ABCA12: variants seen among roughly 807,000 people sequenced by gnomAD.
The protein encoded by ABCA12 is glucosylceramide transporter ABCA12.
In ABCA12, 156 loss-of-function variants were observed where a neutral mutation model predicts 293.5. That is an observed-to-expected ratio of 0.53 (90% CI 0.47 to 0.61). ABCA12 has a LOEUF of 0.61. Among genes scored for constraint, ABCA12 ranks in the 20% least tolerant of loss-of-function variants. The pLI, the probability that ABCA12 is intolerant of heterozygous loss-of-function variation, is 0.00. For synonymous variants in ABCA12, 1,063 were observed against 1,108.0 expected, an observed-to-expected ratio of 0.96 and a Z score of 0.81; for missense variants, 2,797 against 3,090.2, an observed-to-expected ratio of 0.91 and a Z score of 2.25.
chr2:215,034,448 T>C (rs928469603), intron 8 of ABCA12, among the ~76,000 whole-genome samples: 1 of 152,128 alleles, frequency 6.6e-6, no homozygotes. Context: ...GGAAAAAATG[T>C]AGCATATGGC....
intron 23 of ABCA12, among the ~76,000 whole-genome samples, chr2:214,992,462 G>GAAAAAAAAAAAAA (rs35911401): frequency 2.6e-5 from 2 of 77,358 alleles, no homozygotes; most frequent in Admixed American, 2.4e-4. Context: ...AAAAAAAAAT[G>GAAAAAAAAAAAAA]AAAAAAAAAA....
intron 17 of ABCA12, among the ~76,000 whole-genome samples, chr2:215,010,891 T>G (rs1489625368): frequency 3.9e-5 from 6 of 152,190 alleles, no homozygotes; most frequent in Non-Finnish European, 5.9e-5. Flanking sequence ...GTTGCTATAC[T>G]AAACACCCAT....
chr2:215,056,295 C>T (rs534055021), intron 3 of ABCA12, among the ~76,000 whole-genome samples: 1 of 152,180 alleles, frequency 6.6e-6, no homozygotes, highest in Non-Finnish European at 1.5e-5. Context: ...CATTCAGAAA[C>T]GAAACCTAAA....
chr2:215,017,012 A>G (rs530009679), intron 14 of ABCA12, among the ~76,000 whole-genome samples: 8 of 152,320 alleles, frequency 5.3e-5, no homozygotes, highest in African/African-American at 1.7e-4. Flanking sequence ...ATATCTTAGG[A>G]TCAAATAATC....
chr2:215,007,626 G>T, intron 19 of ABCA12, 101 bp downstream of exon 19: 2 of 1,441,270 alleles, frequency 1.4e-6, no homozygotes, highest in East Asian at 2.3e-5. Context: ...TTAATCTGTT[G>T]AATACGGAAA....
chr2:214,951,845 T>C (rs1698782898), intron 44 of ABCA12, among the ~76,000 whole-genome samples: 1 of 152,192 alleles, frequency 6.6e-6, no homozygotes, highest in African/African-American at 2.4e-5. Context: ...TTTAACAAAA[T>C]TTTAAGTGCA....
intron 2 of ABCA12, among the ~76,000 whole-genome samples, chr2:215,109,368 G>T (rs995716053): frequency 5.3e-5 from 8 of 152,090 alleles, no homozygotes; most frequent in Non-Finnish European, 1.0e-4. Context: ...TAATCTCCCT[G>T]TGTTGCAGGT....
intron 23 of ABCA12, among the ~76,000 whole-genome samples, chr2:214,992,359 C>T (rs1181478002): frequency 3.4e-5 from 5 of 145,650 alleles, no homozygotes; most frequent in East Asian, 2.1e-4. Flanking sequence ...AGGAGAATGG[C>T]GTGAACCTGG....
At chr2:214,978,727 A>G in intron 32 of ABCA12, 77 bp downstream of exon 32, 1 of 1,500,156 alleles carries the variant, frequency 6.7e-7, no homozygotes, top group Non-Finnish European at 9.2e-7. Context: ...ATTTTTTTAG[A>G]AAAATGGCAC....
intron 26 of ABCA12, 135 bp downstream of exon 26, chr2:214,989,194 A>ATATATATATATATATATATATATATC: frequency 7.7e-6 from 1 of 129,858 alleles, no homozygotes. Context: ...ATACATATAT[A>ATATATATATATATATATATATATATC]TATATATATA....
intron 50 of ABCA12, among the ~76,000 whole-genome samples, chr2:214,940,300 C>G (rs1698354471): frequency 6.6e-6 from 1 of 152,178 alleles, no homozygotes; most frequent in Admixed American, 6.5e-5. Context: ...AGCCTTGCAT[C>G]CCAGAGATGA....
At position 214,983,760 on chromosome 2, in the gene ABCA12, A is replaced by G. The variant is rs1223655803; in HGVS notation, c.4269T>C (p.Cys1423=). 1.2e-6 allele frequency: 2 copies of G among 1,614,088 alleles called. No individual in the cohort carries two copies. Among genetic ancestry groups the G allele is most frequent in the Non-Finnish European group, 1.7e-6 (2 of 1,179,986 alleles). Residue 1423 remains cysteine (C), a synonymous_variant, in exon 29 of 53, where the codon TGT becomes TGC. Transcript: ENST00000272895. The part of the protein sequence containing the change: ...LHTVRKNMGV[C]MQHDVLFSYL... ...AACTGAACAAGACGTCGTGCTGCAT[A>G]CAGACTCCCATGTTCTTCCGTACCG...
chr2:215,008,228 T>A (rs1366487249), intron 18 of ABCA12, among the ~76,000 whole-genome samples: 3 of 152,204 alleles, frequency 2.0e-5, no homozygotes, highest in Non-Finnish European at 4.4e-5. Context: ...CTGCTGAGAA[T>A]AGATGTTAGA....
intron 3 of ABCA12, among the ~76,000 whole-genome samples, chr2:215,062,975 G>A (rs187516359): frequency 8.6e-5 from 13 of 151,996 alleles, no homozygotes; most frequent in African/African-American, 2.7e-4. Flanking sequence ...GCCTAGAATG[G>A]TGCCTGGCAC....
intron 2 of ABCA12, among the ~76,000 whole-genome samples, chr2:215,088,244 T>A (rs933770308): frequency 1.3e-5 from 2 of 152,090 alleles, no homozygotes; most frequent in African/African-American, 4.8e-5. Context: ...TGCATGGAGA[T>A]GGGATAATAT....
At chr2:214,974,658 G>T in intron 35 of ABCA12, 120 bp downstream of exon 35, 1 of 937,622 alleles carries the variant, frequency 1.1e-6, no homozygotes, top group Non-Finnish European at 1.7e-6. Flanking sequence ...GTTAAACAGG[G>T]ATTTCTATCA....
intron 51 of ABCA12, among the ~76,000 whole-genome samples, chr2:214,936,299 A>ACTAT (rs1319016952): frequency 1.3e-5 from 2 of 152,264 alleles, no homozygotes; most frequent in East Asian, 1.9e-4. Context: ...CAGATTTGGT[A>ACTAT]CTATCTATAG....
intron 33 of ABCA12, 75 bp from the exon 34 acceptor site, chr2:214,976,112 A>G: frequency 6.4e-7 from 1 of 1,556,018 alleles, no homozygotes; most frequent in East Asian, 2.4e-5. Context: ...GAAACTATAT[A>G]TAAATGGTAT....
intron 3 of ABCA12, among the ~76,000 whole-genome samples, chr2:215,063,327 T>C (rs1701573291): frequency 6.6e-6 from 1 of 152,036 alleles, no homozygotes; most frequent in South Asian, 2.1e-4. Context: ...AATATAATAT[T>C]TTCTTGAGAG....
Sources: allele counts gnomAD v4.1 joint callset (sites outside exome capture counted in the v4.1 genomes callset), GRCh38; gene constraint gnomAD v4.1.1; transcripts MANE v1.5; gene names NCBI Gene and HGNC (gene_info 2026-07-23, HGNC 2026-07-21).